The following CLVS1 variants were observed in gnomAD, a reference collection of about 807,000 sequenced individuals.
The protein encoded by CLVS1 is clavesin-1.
A neutral mutation model predicts 33.1 loss-of-function variants in CLVS1; 10 were observed. The observed-to-expected ratio is 0.30, with a 90% CI of 0.19 to 0.51. The LOEUF is 0.51. CLVS1 is among the 20% of genes least tolerant of loss of function. The probability of loss-of-function intolerance (pLI) is 0.97; values close to 1 mark genes in which losing one functional copy is unlikely to be tolerated. For synonymous variants in CLVS1, 163 were observed against 166.1 expected (o/e 0.98, Z 0.14); for missense variants, 343 against 433.4 (o/e 0.79, Z 1.85).
intron 2 of CLVS1, among the ~76,000 whole-genome samples, chr8:61,169,604 C>G (rs1806951900): frequency 6.6e-6 from 1 of 152,200 alleles, no homozygotes; most frequent in South Asian, 2.1e-4. Flanking sequence ...CTCTTTCTTA[C>G]CACTGCCCCG....
intron 1 of CLVS1, among the ~76,000 whole-genome samples, chr8:61,122,250 A>T (rs1161741744): frequency 6.6e-6 from 1 of 152,220 alleles, no homozygotes; most frequent in East Asian, 1.9e-4. Context: ...ATACTGGTAC[A>T]TTTTTGTCAT....
chr8:61,033,164 A>AGAAG, the CLVS1 span, among the ~76,000 whole-genome samples: 1 of 151,044 alleles, frequency 6.6e-6, no homozygotes, highest in Non-Finnish European at 1.5e-5. Context: ...AGAAAGAAAA[A>AGAAG]GAAAGAAAGA....
chr8:61,338,236 A>AT (rs940395589), intron 2 of CLVS1, among the ~76,000 whole-genome samples: 3 of 152,190 alleles, frequency 2.0e-5, no homozygotes, highest in Admixed American at 1.3e-4. Flanking sequence ...GGTTTGAGCA[A>AT]TTTTTTAAAA....
At chr8:61,278,367 A>T in intron 2 of CLVS1, among the ~76,000 whole-genome samples, 1 of 152,222 alleles carries the variant, frequency 6.6e-6, no homozygotes, top group East Asian at 1.9e-4. Flanking sequence ...TTACTGTAAC[A>T]CTAATTTCTG....
At chr8:61,045,783 G>A in the CLVS1 span, among the ~76,000 whole-genome samples, 27 of 152,220 alleles carry the variant, frequency 1.8e-4, no homozygotes, top group South Asian at 2.7e-3. Context: ...ACATAGTCAG[G>A]GTCCTAGGGA....
At chr8:61,429,046 A>G (rs537265581) in intron 3 of CLVS1, among the ~76,000 whole-genome samples, 35 of 152,306 alleles carry the variant, frequency 2.3e-4, no homozygotes, top group African/African-American at 6.5e-4. Context: ...TTACAGTTCC[A>G]GAGGTTGAGA....
chr8:60,973,144 G>A, the CLVS1 span, among the ~76,000 whole-genome samples: 1 of 152,228 alleles, frequency 6.6e-6, no homozygotes, highest in Non-Finnish European at 1.5e-5. Context: ...AGGACCCGTT[G>A]CAAATGAGCA....
chr8:61,466,689 C>G (rs888474834), intron 5 of CLVS1, among the ~76,000 whole-genome samples: 2 of 151,902 alleles, frequency 1.3e-5, no homozygotes, highest in Non-Finnish European at 2.9e-5. Context: ...CTCTTGTTGC[C>G]CAGGCTGGAG....
chr8:61,334,744 G>A (rs1166793258), intron 2 of CLVS1, among the ~76,000 whole-genome samples: 1 of 152,184 alleles, frequency 6.6e-6, no homozygotes. Context: ...CTTAATGGAT[G>A]GCTGGGATCT....
chr8:61,492,100 G>A (rs1190043670), intron 5 of CLVS1, among the ~76,000 whole-genome samples: 1 of 152,108 alleles, frequency 6.6e-6, no homozygotes, highest in African/African-American at 2.4e-5. Context: ...TCTAAGTAAG[G>A]ATTACTAGAT....
intron 1 of CLVS1, among the ~76,000 whole-genome samples, chr8:61,290,825 A>G (rs963851979): frequency 3.3e-5 from 5 of 152,216 alleles, no homozygotes; most frequent in African/African-American, 1.2e-4. Context: ...AACATTGCCA[A>G]GAGAGACCTT....
At chr8:61,484,488 G>A (rs958909296) in intron 5 of CLVS1, among the ~76,000 whole-genome samples, 1 of 152,198 alleles carries the variant, frequency 6.6e-6, no homozygotes, top group African/African-American at 2.4e-5. Flanking sequence ...TGGGTAGGAA[G>A]AATCAATATC....
chr8:61,266,293 C>CTT (rs35496534), intron 2 of CLVS1, among the ~76,000 whole-genome samples: 7 of 139,100 alleles, frequency 5.0e-5, no homozygotes, highest in Non-Finnish European at 7.8e-5. Context: ...AATTTTCTTT[C>CTT]TTTTTTTTTT....
chr8:61,003,256 T>C, the CLVS1 span, among the ~76,000 whole-genome samples: 1 of 152,074 alleles, frequency 6.6e-6, no homozygotes, highest in Non-Finnish European at 1.5e-5. Flanking sequence ...AGAGAGAACA[T>C]AGGAATTATG....
At chr8:61,128,661 T>C (rs1398061501) in intron 1 of CLVS1, among the ~76,000 whole-genome samples, 1 of 152,236 alleles carries the variant, frequency 6.6e-6, no homozygotes, top group Non-Finnish European at 1.5e-5. Flanking sequence ...GGTTCAATGC[T>C]TGGGTCAGGT....
intron 1 of CLVS1, among the ~76,000 whole-genome samples, chr8:61,120,393 C>CTAT (rs1343879538): frequency 1.5e-5 from 2 of 129,662 alleles, no homozygotes; most frequent in African/African-American, 6.3e-5. Flanking sequence ...ATTCTCCATC[C>CTAT]AGCTTTGTTC....
chr8:61,185,524 T>C (rs1807329237), intron 2 of CLVS1, among the ~76,000 whole-genome samples: 1 of 152,192 alleles, frequency 6.6e-6, no homozygotes, highest in Non-Finnish European at 1.5e-5. Flanking sequence ...TACATTATCT[T>C]CTATTTTTAA....
At chr8:61,441,732 C>T (rs928234929) in intron 3 of CLVS1, among the ~76,000 whole-genome samples, 2 of 152,112 alleles carry the variant, frequency 1.3e-5, no homozygotes, top group African/African-American at 4.8e-5. Context: ...TTATGTTGCT[C>T]CTGAACTCTG....
chr8:61,233,293 C>G (rs965084236), intron 2 of CLVS1, among the ~76,000 whole-genome samples: 5 of 152,020 alleles, frequency 3.3e-5, no homozygotes, highest in Admixed American at 6.5e-5. Context: ...TTCTGAACAC[C>G]CTTGCCTTGT....
Sources: allele counts gnomAD v4.1 joint callset (sites outside exome capture counted in the v4.1 genomes callset), GRCh38; gene constraint gnomAD v4.1.1; transcripts MANE v1.5; gene names NCBI Gene and HGNC (gene_info 2026-07-23, HGNC 2026-07-21).